Variants in DNHD1 observed in about 807,000 individuals in gnomAD.
DNHD1 encodes the protein dynein heavy chain domain-containing protein 1.
Under a neutral mutation model 458.1 loss-of-function variants are expected in DNHD1, and 383 were observed. The observed-to-expected ratio is 0.84, with a 90% confidence interval of 0.77 to 0.91. The LOEUF (loss-of-function observed/expected upper bound fraction) is 0.91, where lower values mean the gene tolerates loss of function less well. Ranked by LOEUF, DNHD1 falls within the 40% of genes least tolerant of loss-of-function variation. The pLI is 0.00. For missense variants in DNHD1, 5,336 were observed against 5,866.1 expected (o/e 0.91, Z 2.95); for synonymous variants, 2,203 against 2,376.9 (o/e 0.93, Z 2.13).
chr11:6,507,210 C>T lies in DNHD1; in HGVS notation c.921-1670C>T, dbSNP rs193077718. Among the ~76,000 whole-genome samples the T allele has an allele frequency of 1.6e-3, 248 of 152,248 alleles. 2 individuals are homozygous for T. Among genetic ancestry groups the T allele is most frequent in the Admixed American group, 5.7e-3 (87 of 15,300 alleles). On this transcript the variant is annotated intron_variant, in intron 4 of 42. Transcript: ENST00000254579. ...TTGAACAGAGGGACAACTTGATAAA[C>T]GGTTTAACTAAGTTCCATAAAGTCA...
chr11:6,541,179 A>G (rs1297039990), intron 18 of DNHD1, among the ~76,000 whole-genome samples: 1 of 152,230 alleles, frequency 6.6e-6, no homozygotes, highest in East Asian at 1.9e-4. Flanking sequence ...CACTGTCTCT[A>G]TGTGACTTTT....
In DNHD1 at chr11:6,559,055, T is replaced by G. The variant is rs1434613959; in HGVS notation, c.9365T>G (p.Phe3122Cys). 6.4e-7 allele frequency: 1 copy of G among 1,551,526 alleles called. No homozygotes were observed. The highest frequency in any genetic ancestry group is 1.4e-5 in the African/African-American group (1 of 72,996). Reference protein sequence around the residue: ...PKTFLDFLDTFLMLQQQTILK... With the variant: ...PKTFLDFLDTCLMLQQQTILK... ...ACCTTCCTAGACTTCCTGGACACTT[T>G]CCTGATGCTGCAGCAACAGACAATC... Residue 3122 changes from phenylalanine to cysteine, a missense_variant, in exon 27 of 43, where the codon TTC (phenylalanine) becomes TGC (cysteine). By Grantham distance (205) the Phe-to-Cys change is radical (BLOSUM62 -2). Transcript: ENST00000254579.
rs1048256663 is a variant in DNHD1 at position 6,565,872 on chromosome 11, C to T, written c.10934C>T (p.Thr3645Ile). 28 of 1,551,660 alleles carry T rather than the reference C, an allele frequency of 1.8e-5. No individual in the cohort carries two copies. In the Middle Eastern group the frequency reaches 5.0e-4, roughly 28 times the overall value. The part of the protein sequence containing the change: ...EENEEKEEEK[T>I]ESQGSKPAYE... ...AATGAAGAGAAAGAGGAGGAGAAGA[C>T]AGAGAGCCAGGGGTCAAAGCCAGCC... The change falls in exon 33 of 43, where the codon ACA (threonine) becomes ATA (isoleucine). Residue 3645 changes from threonine (T) to isoleucine (I), a missense_variant. Thr to Ile is a moderately conservative substitution (Grantham distance 89, BLOSUM62 -1). Coordinates refer to ENST00000254579, the MANE Select transcript of DNHD1 (RefSeq NM_144666.3).
rs1372544875 is a variant in DNHD1 at position 6,558,575 on chromosome 11, G to GA, written c.9094dup (p.Arg3032LysfsTer11). ...AGCAGCTGCCCTCCACCCTTTTCCTGAGGCTCCTTCAACTGGCCACTGCCA... is the reference window on the plus strand; with the variant it reads ...AGCAGCTGCCCTCCACCCTTTTCCTGAAGGCTCCTTCAACTGGCCACTGCCA... On this transcript the variant is annotated frameshift_variant, in exon 26 of 43. Coordinates refer to ENST00000254579, the MANE Select transcript of DNHD1 (RefSeq NM_144666.3). LOFTEE classifies it high-confidence loss of function. 6.4e-7 allele frequency: 1 copy of GA among 1,551,736 alleles called. No homozygotes were observed. The highest frequency in any genetic ancestry group is 1.4e-5 in the African/African-American group (1 of 73,174).
chr11:6,563,882 C>T lies in DNHD1; in HGVS notation c.10042C>T (p.Leu3348=), dbSNP rs1853636514. 1 of 1,551,620 alleles carries T rather than the reference C, an allele frequency of 6.4e-7. No individual in the cohort carries two copies. Among genetic ancestry groups the T allele is most frequent in the Non-Finnish European group, 8.7e-7 (1 of 1,147,012 alleles). ...LAHCRGLPTD[L]LLQQVEATLT... ...GCATTGCCGGGGACTGCCCACGGAC[C>T]TGCTGCTGCAGCAAGTGGAGGCAAC... Residue 3348 remains leucine, a synonymous_variant, in exon 31 of 43, where the codon CTG becomes TTG. Coordinates refer to ENST00000254579, the MANE Select transcript of DNHD1 (RefSeq NM_144666.3).
chr11:6,505,165 C>T lies in DNHD1; in HGVS notation c.920+2239C>T, dbSNP rs916138367. On this transcript the variant is annotated intron_variant, in intron 4 of 42. Transcript: ENST00000254579. This position sits in a 1 kb window ranked among gnomAD's most constrained non-coding sequence, Gnocchi z 4.4. ...GTTCTGAGTCTCAACTCTGCAAGGC[C>T]CCTCCTCCAACCTCATAGCTTCTAA... is the stretch of plus-strand genomic sequence containing the variant. Among the ~76,000 whole-genome samples the T allele has an allele frequency of 6.6e-6, 1 of 151,746 alleles. No homozygotes were observed. The highest frequency in any genetic ancestry group is 1.5e-5 in the Non-Finnish European group (1 of 67,980).
chr11:6,549,255 G>A (rs767743655), intron 24 of DNHD1, among the ~76,000 whole-genome samples: 2 of 151,988 alleles, frequency 1.3e-5, no homozygotes, highest in African/African-American at 4.8e-5. Context: ...ATCTCCCCGC[G>A]GCCAAAATCT....
At chr11:6,540,802 G>A (rs934456183) in intron 18 of DNHD1, among the ~76,000 whole-genome samples, 1 of 152,156 alleles carries the variant, frequency 6.6e-6, no homozygotes, top group Non-Finnish European at 1.5e-5. Flanking sequence ...TGCCAATAGA[G>A]GAGAATTTTC....
chr11:6,570,229 C>G lies in DNHD1; in HGVS notation c.12956-18C>G, dbSNP rs774644681. The G allele has an allele frequency of 9.3e-6, 15 of 1,613,562 alleles. No individual in the cohort carries two copies. The Admixed American group carries it at 2.2e-4, about 23-fold the overall frequency. Reference sequence around the variant, plus strand: ...AACTGAAGGTACTGGAACTGAGAGACTCTAACCTCATCTTCAGCTTCAGTT... The same window carrying G: ...AACTGAAGGTACTGGAACTGAGAGAGTCTAACCTCATCTTCAGCTTCAGTT... On this transcript the variant is annotated intron_variant, in intron 40 of 42. Transcript: ENST00000254579.
Position 6,566,452 on chromosome 11 carries a change from C to A in DNHD1, c.11206+59C>A. 4 of 1,547,648 alleles carry A rather than the reference C, an allele frequency of 2.6e-6. No homozygotes were observed. In the Admixed American group the frequency reaches 7.8e-5, roughly 30 times the overall value. ...GTGTGGACACACTAGGCCCTCAGCA[C>A]CAGCCCTAAGAGGGCTTCACTCAAC... On this transcript the variant is annotated intron_variant, in intron 34 of 42. Coordinates refer to ENST00000254579, the MANE Select transcript of DNHD1 (RefSeq NM_144666.3).
Position 6,547,946 on chromosome 11 carries a change from G to C in DNHD1, c.6811G>C (p.Asp2271His). The C allele has an allele frequency of 6.4e-7, 1 of 1,551,904 alleles. No individual in the cohort carries two copies. The highest frequency in any genetic ancestry group is 8.7e-7 in the Non-Finnish European group (1 of 1,147,054). ...SFLNRSQVDS[D>H]DVPDKCREHL... ...TCTAAACCGGTCCCAGGTTGACAGT[G>C]ACGATGTGCCAGATAAGTGCAGGGA... Residue 2271 changes from aspartate to histidine, a missense_variant, in exon 22 of 43, where the codon GAC becomes CAC. Coordinates refer to ENST00000254579, the MANE Select transcript of DNHD1 (RefSeq NM_144666.3).
intron 4 of DNHD1, chr11:6,508,184 T>C (rs2134373783): frequency 6.6e-6 from 1 of 152,354 alleles, no homozygotes; most frequent in African/African-American, 2.4e-5. Flanking sequence ...CTACTGTAAC[T>C]AGATACACCT....
Position 6,511,913 on chromosome 11 carries a change from G to A in DNHD1, c.1392+484G>A, listed in dbSNP as rs115848490. Among the ~76,000 whole-genome samples, 715 of 152,316 alleles carry A rather than the reference G, an allele frequency of 4.7e-3. 10 individuals carry two copies. Among genetic ancestry groups the A allele is most frequent in the African/African-American group, 0.016 (683 of 41,566 alleles). On this transcript the variant is annotated intron_variant, in intron 7 of 42. Coordinates refer to ENST00000254579, the MANE Select transcript of DNHD1 (RefSeq NM_144666.3). ...CTAGAGTTCTGGGAGGCCCTCCTGT[G>A]TACTGACCTCTTGCCCATGGTCTAT...
chr11:6,558,831 G>A, intron 26 of DNHD1, 71 bp from the exon 27 acceptor site: 2 of 1,529,548 alleles, frequency 1.3e-6, no homozygotes, highest in Non-Finnish European at 1.8e-6. Context: ...TCCTGAGCTA[G>A]GAGAGGATCC....
At chr11:6,554,094 AGTT>A (rs943672463) in intron 24 of DNHD1, among the ~76,000 whole-genome samples, 1 of 152,190 alleles carries the variant, frequency 6.6e-6, no homozygotes, top group East Asian at 1.9e-4. Context: ...CTTGCTATAC[AGTT>A]GTTGTAATGA....
chr11:6,569,749 A>AGAGGAAGGAGGTGTC (rs1853796331), intron 39 of DNHD1, among the ~76,000 whole-genome samples: 1 of 152,086 alleles, frequency 6.6e-6, no homozygotes, highest in African/African-American at 2.4e-5. Flanking sequence ...TATGGGGTGA[A>AGAGGAAGGAGGTGTC]GAGGAAGGAG....
In DNHD1 at chr11:6,570,313, A is replaced by G; in HGVS notation, c.13022A>G (p.Gln4341Arg). 1 of 1,613,478 alleles carries G rather than the reference A, an allele frequency of 6.2e-7. No individual in the cohort carries two copies. Among genetic ancestry groups the G allele is most frequent in the Non-Finnish European group, 8.5e-7 (1 of 1,179,698 alleles). Residue 4341 changes from glutamine to arginine, a missense_variant, in exon 41 of 43, where the codon CAA (glutamine) becomes CGA (arginine). By Grantham distance (43) the Gln-to-Arg change is conservative. This residue lies in a region of DNHD1 where 698 missense variants were observed against 664.9 expected (regional missense o/e 1.05). Transcript: ENST00000254579. ...EDREALISLTQACLSPSSGSW... is the reference protein window; with the variant it reads ...EDREALISLTRACLSPSSGSW... ...AGGGAGGCCCTGATTAGCCTCACAC[A>G]AGCCTGCCTGAGCCCCAGTAGTGGG... is the stretch of plus-strand genomic sequence containing the variant.
In DNHD1 at chr11:6,498,779, G is replaced by A. The variant is rs755131936; in HGVS notation, c.564G>A (p.Leu188=). The change falls in exon 3 of 43, where the codon TTG becomes TTA. Residue 188 remains leucine (L), a synonymous_variant. Coordinates refer to ENST00000254579, the MANE Select transcript of DNHD1 (RefSeq NM_144666.3). ...KEELATWLRP[L]TLPELQRCLG... is the part of the protein sequence containing the mutation. ...AGCTGGCCACCTGGCTGCGACCATT[G>A]ACACTGCCTGAGCTACAGCGCTGCC... is the stretch of plus-strand genomic sequence containing the variant. The A allele has an allele frequency of 1.9e-6, 3 of 1,614,220 alleles. No homozygotes were observed. The Admixed American group carries it at 5.0e-5, about 27-fold the overall frequency.
At chr11:6,499,320 AACATTGC>A (rs1426306541) in intron 3 of DNHD1, among the ~76,000 whole-genome samples, 3 of 152,158 alleles carry the variant, frequency 2.0e-5, no homozygotes, top group African/African-American at 7.2e-5. Context: ...ATAATCACTG[AACATTGC>A]CTGGGCCTAC....
Sources: allele counts gnomAD v4.1 joint callset (sites outside exome capture counted in the v4.1 genomes callset), GRCh38; gene constraint gnomAD v4.1.1; regional missense constraint gnomAD v4.1.1; non-coding constraint Gnocchi (gnomAD v3.1); transcripts MANE v1.5; gene names NCBI Gene and HGNC (gene_info 2026-07-23, HGNC 2026-07-21).